Variants in BANP observed in about 807,000 individuals in gnomAD.
BANP encodes BTG3 associated nuclear protein.
BANP carries 11 observed loss-of-function variants against 68.1 expected under a neutral mutation model. The ratio of observed to expected loss-of-function variants is 0.16; its 90% CI spans 0.10 to 0.27. The LOEUF (loss-of-function observed/expected upper bound fraction) is 0.27, where lower values mean the gene tolerates loss of function less well. Ranked by LOEUF, BANP falls within the 10% of genes least tolerant of loss-of-function variation. BANP has a pLI of 1.00. For missense variants in BANP, 504 were observed against 722.7 expected, an observed-to-expected ratio of 0.70 and a Z score of 3.47; for synonymous variants, 329 against 303.2, an observed-to-expected ratio of 1.09 and a Z score of -0.88.
chr16:87,950,087 C>T (rs2056668915), upstream of BANP, among the ~76,000 whole-genome samples: 2 of 152,122 alleles, frequency 1.3e-5, no homozygotes, highest in African/African-American at 2.4e-5. Context: ...CCGTGTTAGC[C>T]AGGATGGTCT....
Position 87,958,672 on chromosome 16 carries a change from C to T in BANP, c.-69+7157C>T, listed in dbSNP as rs548403481. ...GAGCCATGATTGCACCACTGCACTCCAGCCTGGGCGGCAGAGTGAGACCCT... is the reference window on the plus strand; with the variant it reads ...GAGCCATGATTGCACCACTGCACTCTAGCCTGGGCGGCAGAGTGAGACCCT... On this transcript the variant is annotated intron_variant, in intron 1 of 13. Transcript: ENST00000682872. Among the ~76,000 whole-genome samples, 128 of 152,210 alleles carry T rather than the reference C, an allele frequency of 8.4e-4. 1 individual carries two copies. Among genetic ancestry groups the T allele is most frequent in the Non-Finnish European group, 1.6e-3 (108 of 68,036 alleles).
intron 1 of BANP, among the ~76,000 whole-genome samples, chr16:87,954,018 A>G (rs368657287): frequency 2.0e-5 from 3 of 152,074 alleles, no homozygotes; most frequent in Non-Finnish European, 4.4e-5. Flanking sequence ...GTGGATTCCT[A>G]CGCCGGGGAC....
At chr16:87,975,006 A>G (rs527780091) in intron 1 of BANP, 42 bp from the exon 2 acceptor site, 3 of 892,592 alleles carry the variant, frequency 3.4e-6, no homozygotes, top group Non-Finnish European at 5.4e-6. Context: ...ACGTGTAGCG[A>G]TGGTTAATGT....
At chr16:88,039,282 A>G (rs577571195) in intron 11 of BANP, among the ~76,000 whole-genome samples, 1 of 149,272 alleles carries the variant, frequency 6.7e-6, no homozygotes, top group Non-Finnish European at 1.5e-5. Flanking sequence ...TTAAATCCAC[A>G]GTTGTGGCTT....
intron 13 of BANP, 148 bp from the exon 14 acceptor site, chr16:88,076,442 G>A: frequency 1.6e-6 from 1 of 634,010 alleles, no homozygotes; most frequent in Non-Finnish European, 2.6e-6. Flanking sequence ...GTACCAAGTC[G>A]GGTGAGCCTT....
At chr16:88,038,088 G>A (rs1412162455) in intron 11 of BANP, 77 bp downstream of exon 11, 10 of 1,468,906 alleles carry the variant, frequency 6.8e-6, no homozygotes, top group Admixed American at 1.7e-5. Context: ...GGGGTGGGAC[G>A]GTCAGGTGAG....
intron 2 of BANP, 35 bp from the exon 3 acceptor site, chr16:87,981,001 T>G: frequency 1.4e-6 from 2 of 1,455,872 alleles, no homozygotes; most frequent in Non-Finnish European, 1.9e-6. Flanking sequence ...AAACTTTTCA[T>G]GTTAAACATT....
At chr16:87,963,891 G>C (rs1303468660) in intron 1 of BANP, among the ~76,000 whole-genome samples, 1 of 152,196 alleles carries the variant, frequency 6.6e-6, no homozygotes, top group Non-Finnish European at 1.5e-5. Flanking sequence ...TTTCCTTTTA[G>C]TCCTCTTTTA....
chr16:88,002,221 G>C lies in BANP; in HGVS notation c.363-2074G>C, dbSNP rs1221124014. Among the ~76,000 whole-genome samples the C allele has an allele frequency of 6.6e-6, 1 of 152,012 alleles. No individual in the cohort carries two copies. The highest frequency in any genetic ancestry group is 6.6e-5 in the Admixed American group (1 of 15,266). On this transcript the variant is annotated intron_variant, in intron 4 of 13. Transcript: ENST00000682872. The surrounding 1 kb of genome is among the most constrained non-coding windows in gnomAD (Gnocchi z 4.6). ...GGTCCCATCGGTAATATGTGGGAGA[G>C]GAAGGAGTCCTTGGCTTCTTTGAGT...
intron 13 of BANP, among the ~76,000 whole-genome samples, chr16:88,073,022 C>A (rs900012674): frequency 1.3e-5 from 2 of 152,216 alleles, no homozygotes; most frequent in Non-Finnish European, 2.9e-5. Flanking sequence ...TGTCTTGATG[C>A]CATCCACCTT....
intron 8 of BANP, 102 bp from the exon 9 acceptor site, chr16:88,033,007 G>A: frequency 2.3e-6 from 3 of 1,281,180 alleles, no homozygotes; most frequent in Non-Finnish European, 3.2e-6. Flanking sequence ...CCTCTTCTCT[G>A]CTGTGGGAGT....
intron 4 of BANP, among the ~76,000 whole-genome samples, chr16:87,987,087 G>A (rs1252528114): frequency 6.6e-6 from 1 of 152,122 alleles, no homozygotes; most frequent in Non-Finnish European, 1.5e-5. Flanking sequence ...ATGTAAGAAT[G>A]GTTTCCTTTT....
intron 1 of BANP, among the ~76,000 whole-genome samples, chr16:87,964,371 G>A (rs1301475493): frequency 2.0e-5 from 3 of 152,264 alleles, no homozygotes; most frequent in African/African-American, 7.2e-5. Context: ...AAACCTTTCA[G>A]ATGTGTAGTA....
intron 2 of BANP, chr16:87,978,536 TA>T: frequency 2.2e-6 from 1 of 454,710 alleles, no homozygotes; most frequent in South Asian, 1.6e-5. Context: ...CATGGAGTTT[TA>T]AAAGTTTCAT....
chr16:87,950,304 A>C (rs1185082635), upstream of BANP: 1 of 152,270 alleles, frequency 6.6e-6, no homozygotes, highest in Non-Finnish European at 1.5e-5. Flanking sequence ...AAGGCAAGGT[A>C]ATCCTAGATT....
intron 4 of BANP, among the ~76,000 whole-genome samples, chr16:87,986,138 G>A (rs575843013): frequency 3.3e-5 from 5 of 152,188 alleles, no homozygotes; most frequent in East Asian, 3.9e-4. Context: ...GATGTCCCAC[G>A]GGATCTCAAA....
chr16:88,044,693 A>G (rs1355907075), intron 11 of BANP, among the ~76,000 whole-genome samples: 1 of 152,220 alleles, frequency 6.6e-6, no homozygotes, highest in Non-Finnish European at 1.5e-5. Flanking sequence ...AAAAATTTAC[A>G]ACTATATAGG....
At chr16:87,973,768 A>AAAAAAAAAAAAAAGAAAG (rs2061546192) in intron 1 of BANP, among the ~76,000 whole-genome samples, 1 of 104,926 alleles carries the variant, frequency 9.5e-6, no homozygotes, top group African/African-American at 3.1e-5. Flanking sequence ...AAAAAAAAAA[A>AAAAAAAAAAAAAAGAAAG]AAAAAAGAAA....
intron 2 of BANP, among the ~76,000 whole-genome samples, chr16:87,979,869 G>C (rs1330292721): frequency 6.6e-6 from 1 of 152,118 alleles, no homozygotes; most frequent in African/African-American, 2.4e-5. Context: ...GGCTGAGGTG[G>C]GGGGTCCCTT....
Sources: allele counts gnomAD v4.1 joint callset (sites outside exome capture counted in the v4.1 genomes callset), GRCh38; gene constraint gnomAD v4.1.1; non-coding constraint Gnocchi (gnomAD v3.1); transcripts MANE v1.5; gene names NCBI Gene and HGNC (gene_info 2026-07-23, HGNC 2026-07-21).